IGSF3: variants seen among roughly 807,000 people sequenced by gnomAD.
IGSF3 encodes the protein immunoglobulin superfamily member 3.
In IGSF3, 23 loss-of-function variants were observed where a neutral mutation model predicts 114.4. The observed-to-expected ratio is 0.20, with a 90% confidence interval of 0.14 to 0.28. The LOEUF (loss-of-function observed/expected upper bound fraction) is 0.28, where lower values mean the gene tolerates loss of function less well. Ranked by LOEUF, IGSF3 falls within the 10% of genes least tolerant of loss-of-function variation. IGSF3 has a pLI of 1.00. For missense variants in IGSF3, 1,172 were observed against 1,591.5 expected, an observed-to-expected ratio of 0.74 and a Z score of 4.48; for synonymous variants, 571 against 645.2, an observed-to-expected ratio of 0.88 and a Z score of 1.74.
rs556429551 is a variant in IGSF3, at chr1:116,664,699, ACT to A, written c.43+1583_43+1584del. Among the ~76,000 whole-genome samples, 309 of 152,250 alleles carry A rather than the reference ACT, an allele frequency of 2.0e-3. 2 individuals carry two copies. The highest frequency in any genetic ancestry group is 7.0e-3 in the African/African-American group (289 of 41,542). On this transcript the variant is annotated intron_variant, in intron 2 of 10. Coordinates refer to ENST00000369486, the MANE Select transcript of IGSF3 (RefSeq NM_001007237.3). This position sits in a 1 kb window ranked among gnomAD's most constrained non-coding sequence, Gnocchi z 4.6. Reference sequence around the variant, plus strand: ...AAATGAAGGGCTCCCTGCCTTCTTGACTCTGCCTGAGCATACAGGTGACATGG... The same window carrying A: ...AAATGAAGGGCTCCCTGCCTTCTTGACTGCCTGAGCATACAGGTGACATGG...
At chr1:116,639,475 A>AG (rs1457588398) in intron 2 of IGSF3, among the ~76,000 whole-genome samples, 2 of 152,172 alleles carry the variant, frequency 1.3e-5, no homozygotes. Flanking sequence ...GACAGGTCCC[A>AG]ACCACCTGCA....
At chr1:116,617,310 A>C (rs1661259977) in intron 2 of IGSF3, 1 of 984,512 alleles carries the variant, frequency 1.0e-6, no homozygotes, top group Admixed American at 6.1e-5. Context: ...TGGCATGGTG[A>C]GTTTAATTTC....
Position 116,656,229 on chromosome 1 carries a change from C to G in IGSF3, c.43+10055G>C, listed in dbSNP as rs190739049. Reference sequence around the variant, plus strand: ...GAACATATACCAAACTATAAAGAATCTATATCAAAGTCAATAAGGAGCATA... The same window carrying G: ...GAACATATACCAAACTATAAAGAATGTATATCAAAGTCAATAAGGAGCATA... On this transcript the variant is annotated intron_variant, in intron 2 of 10. Transcript: ENST00000369486. Among the ~76,000 whole-genome samples the G allele has an allele frequency of 7.2e-4, 107 of 149,018 alleles. 1 individual carries two copies. The highest frequency in any genetic ancestry group is 2.3e-3 in the African/African-American group (95 of 40,670).
rs1659328013 is a variant in IGSF3 at position 116,576,075 on chromosome 1, C to T, written c.*1237G>A. The T allele has an allele frequency of 6.6e-6, 1 of 152,210 alleles. No individual in the cohort carries two copies. Among genetic ancestry groups the T allele is most frequent in the Admixed American group, 6.5e-5 (1 of 15,274 alleles). The allele number at this position is 152,210 out of a possible 1,614,324, so 9.4% of individuals were successfully genotyped here. A position where few individuals can be genotyped will look rare whatever the true frequency, so the allele number is the denominator to read the frequency against. On this transcript the variant is annotated 3_prime_UTR_variant, in exon 11 of 11. Coordinates refer to ENST00000369486, the MANE Select transcript of IGSF3 (RefSeq NM_001007237.3). This position sits in a 1 kb window ranked among gnomAD's most constrained non-coding sequence, Gnocchi z 4.6. ...AGAAAAATGAATAAGGAAGACATCA[C>T]TATAATTAAGGAAAATCTAATTGGA...
chr1:116,600,392 CT>C lies in IGSF3; in HGVS notation c.1625-48del, dbSNP rs199797748. On this transcript the variant is annotated intron_variant, in intron 6 of 10. Coordinates refer to ENST00000369486, the MANE Select transcript of IGSF3 (RefSeq NM_001007237.3). The surrounding 1 kb of genome is among the most constrained non-coding windows in gnomAD (Gnocchi z 5.5). ...TCAACCAGAGGAGGCATGTGGCTTT[CT>C]CAGGGCAGTATGACATCAGCAATGG... 2,160 of 1,526,112 alleles carry C rather than the reference CT, an allele frequency of 1.4e-3. 25 individuals carry two copies. In the African/African-American group the frequency reaches 0.026, roughly 18 times the overall value. The allele number at this position is 1,526,112 out of a possible 1,614,324, so 94.5% of individuals were successfully genotyped here.
In IGSF3 at chr1:116,594,284, A is replaced by T. The variant is rs754805545; in HGVS notation, c.2030-5180T>A. Among the ~76,000 whole-genome samples, 36 of 152,074 alleles carry T rather than the reference A, an allele frequency of 2.4e-4. No individual in the cohort carries two copies. The highest frequency in any genetic ancestry group is 3.7e-4 in the Non-Finnish European group (25 of 68,006). Reference sequence around the variant, plus strand: ...TATTTTACTATGAACTACTTTTTTTAAAAAAAACTTTCTTTATCCCACAAC... The same window carrying T: ...TATTTTACTATGAACTACTTTTTTTTAAAAAAACTTTCTTTATCCCACAAC... On this transcript the variant is annotated intron_variant, in intron 7 of 10. Coordinates refer to ENST00000369486, the MANE Select transcript of IGSF3 (RefSeq NM_001007237.3). The surrounding 1 kb of genome is among the most constrained non-coding windows in gnomAD (Gnocchi z 5.2).
In IGSF3 at chr1:116,592,845, G is replaced by A. The variant is rs900795331; in HGVS notation, c.2030-3741C>T. Among the ~76,000 whole-genome samples the A allele has an allele frequency of 2.0e-5, 3 of 152,156 alleles. No individual in the cohort carries two copies. Among genetic ancestry groups the A allele is most frequent in the Admixed American group, 6.5e-5 (1 of 15,278 alleles). On this transcript the variant is annotated intron_variant, in intron 7 of 10. Transcript: ENST00000369486. This position sits in a 1 kb window ranked among gnomAD's most constrained non-coding sequence, Gnocchi z 4.5. ...TTGTTAAACTAATCAATGAATGGTT[G>A]AATAAATGTGGTTACTTTTCAAAAG...
Position 116,600,111 on chromosome 1 carries a change from T to C in IGSF3, c.1859A>G (p.Glu620Gly). The C allele has an allele frequency of 8.7e-6, 14 of 1,614,198 alleles. No homozygotes were observed. The highest frequency in any genetic ancestry group is 1.2e-5 in the Non-Finnish European group (14 of 1,180,024). ...SSSFRTRTAI[E>G]KAESSNNVRL... ...GACGTTGTTGCTGGACTCAGCCTTCTCGATGGCAGTTCGGGTTCGGAAGCT... is the reference window on the plus strand; with the variant it reads ...GACGTTGTTGCTGGACTCAGCCTTCCCGATGGCAGTTCGGGTTCGGAAGCT... Residue 620 changes from glutamate (E) to glycine (G), a missense_variant, in exon 7 of 11, where the codon GAG (glutamate) becomes GGG (glycine). Around this residue, in one of 3 missense-constraint regions of IGSF3, gnomAD observed 736 missense variants for 1,042.0 expected, o/e 0.71. Transcript: ENST00000369486. The surrounding 1 kb of genome is among the most constrained non-coding windows in gnomAD (Gnocchi z 5.5).
Position 116,589,471 on chromosome 1 carries a change from C to CGAAA in IGSF3, c.2030-368_2030-367insTTTC, listed in dbSNP as rs1026909883. ...GCCAGAGAGAAACAATTCCTTTTCA[C>CGAAA]AGCACAAAGTCCCTTCAGGATCTGG... On this transcript the variant is annotated intron_variant, in intron 7 of 10. Transcript: ENST00000369486. This position sits in a 1 kb window ranked among gnomAD's most constrained non-coding sequence, Gnocchi z 5.7. Among the ~76,000 whole-genome samples, 6 of 151,860 alleles carry CGAAA rather than the reference C, an allele frequency of 4.0e-5. No homozygotes were observed. The highest frequency in any genetic ancestry group is 8.8e-5 in the Non-Finnish European group (6 of 67,956).
In IGSF3 at chr1:116,634,330, C is replaced by T. The variant is rs1248296310; in HGVS notation, c.44-17873G>A. ...GGAAAAAAGGGTAGGCTCCAGCTAG[C>T]GGAGAGAACAACTAAAAAACAAGAG... On this transcript the variant is annotated intron_variant, in intron 2 of 10. Transcript: ENST00000369486. The surrounding 1 kb of genome is among the most constrained non-coding windows in gnomAD (Gnocchi z 4.2). Among the ~76,000 whole-genome samples, 2 of 152,180 alleles carry T rather than the reference C, an allele frequency of 1.3e-5. No individual in the cohort carries two copies. Among genetic ancestry groups the T allele is most frequent in the Non-Finnish European group, 2.9e-5 (2 of 68,040 alleles).
At position 116,596,419 on chromosome 1, in the gene IGSF3, G is replaced by A. The variant is rs765556935; in HGVS notation, c.2029+3522C>T. 1.3e-5 allele frequency among the ~76,000 whole-genome samples: 2 copies of A among 152,182 alleles called. No individual in the cohort carries two copies. Among genetic ancestry groups the A allele is most frequent in the African/African-American group, 2.4e-5 (1 of 41,428 alleles). The stretch of plus-strand genomic sequence containing the variant: ...AAAGAAGAGAGGACAGCGCTGGTTC[G>A]GAGCTCTGGTATCCGCAAGTCTTAG... On this transcript the variant is annotated intron_variant, in intron 7 of 10. Coordinates refer to ENST00000369486, the MANE Select transcript of IGSF3 (RefSeq NM_001007237.3). This position sits in a 1 kb window ranked among gnomAD's most constrained non-coding sequence, Gnocchi z 4.1.
chr1:116,583,110 A>G lies in IGSF3; in HGVS notation c.2848+1535T>C, dbSNP rs1659669058. ...GATTCGCTCCATGCTTTGGTCCCTC[A>G]TGAGTAAAACCTACCACTCAGAGTT... On this transcript the variant is annotated intron_variant, in intron 9 of 10. Coordinates refer to ENST00000369486, the MANE Select transcript of IGSF3 (RefSeq NM_001007237.3). The surrounding 1 kb of genome is among the most constrained non-coding windows in gnomAD (Gnocchi z 4.5). Among the ~76,000 whole-genome samples the G allele has an allele frequency of 6.6e-6, 1 of 152,176 alleles. No homozygotes were observed. Among genetic ancestry groups the G allele is most frequent in the East Asian group, 1.9e-4 (1 of 5,192 alleles).
intron 2 of IGSF3, chr1:116,617,342 C>T (rs4044844): frequency 5.1e-6 from 5 of 985,342 alleles, no homozygotes; most frequent in Non-Finnish European, 6.0e-6. Context: ...CAACTCAACA[C>T]TGATTGTGCC....
chr1:116,589,730 C>T lies in IGSF3; in HGVS notation c.2030-626G>A, dbSNP rs535271847. Among the ~76,000 whole-genome samples, 254 of 152,284 alleles carry T rather than the reference C, an allele frequency of 1.7e-3. 1 individual carries two copies. The highest frequency in any genetic ancestry group is 3.3e-3 in the Non-Finnish European group (223 of 68,016). ...CTCTATATATCTCTGGGCTGTGTGT[C>T]CTCACATCTCTCTCCCATATCCTAG... On this transcript the variant is annotated intron_variant, in intron 7 of 10. Coordinates refer to ENST00000369486, the MANE Select transcript of IGSF3 (RefSeq NM_001007237.3). This position sits in a 1 kb window ranked among gnomAD's most constrained non-coding sequence, Gnocchi z 5.7.
chr1:116,620,591 G>C (rs1402962808), intron 2 of IGSF3, among the ~76,000 whole-genome samples: 1 of 152,152 alleles, frequency 6.6e-6, no homozygotes, highest in Non-Finnish European at 1.5e-5. Flanking sequence ...AGACAAGCAT[G>C]ATGTTATGAG....
chr1:116,627,836 T>C lies in IGSF3; in HGVS notation c.44-11379A>G, dbSNP rs914052075. Among the ~76,000 whole-genome samples the C allele has an allele frequency of 6.6e-6, 1 of 152,034 alleles. No homozygotes were observed. The highest frequency in any genetic ancestry group is 1.5e-5 in the Non-Finnish European group (1 of 67,994). ...GCCATGGAGACACAAAACTAGAAAATGGGGCTGCCTAGCTAGGAATGCCCA... is the reference window on the plus strand; with the variant it reads ...GCCATGGAGACACAAAACTAGAAAACGGGGCTGCCTAGCTAGGAATGCCCA... On this transcript the variant is annotated intron_variant, in intron 2 of 10. Transcript: ENST00000369486. The surrounding 1 kb of genome is among the most constrained non-coding windows in gnomAD (Gnocchi z 4.7).
Position 116,574,789 on chromosome 1 carries a change from C to T in IGSF3, c.*2523G>A, listed in dbSNP as rs1171638702. Reference sequence around the variant, plus strand: ...GTAGACAATGCGCAATGAGGTCTCACAGCCACTGGAGGGCACCATTACCAT... The same window carrying T: ...GTAGACAATGCGCAATGAGGTCTCATAGCCACTGGAGGGCACCATTACCAT... On this transcript the variant is annotated 3_prime_UTR_variant, in exon 11 of 11. Transcript: ENST00000369486. The surrounding 1 kb of genome is among the most constrained non-coding windows in gnomAD (Gnocchi z 5.2). 6.6e-6 allele frequency: 1 copy of T among 152,628 alleles called. No homozygotes were observed. The highest frequency in any genetic ancestry group is 1.5e-5 in the Non-Finnish European group (1 of 68,040). 9.5% of individuals were successfully genotyped at this position (152,628 alleles called of 1,614,324 possible).
rs1008549644 is a variant in IGSF3, at chr1:116,576,723, G to A, written c.*589C>T. ...AAGTGGTTCCAATAACTCCAGCTGA[G>A]GGAAAAGACAACATACAAATTTTGC... On this transcript the variant is annotated 3_prime_UTR_variant, in exon 11 of 11. Coordinates refer to ENST00000369486, the MANE Select transcript of IGSF3 (RefSeq NM_001007237.3). The surrounding 1 kb of genome is among the most constrained non-coding windows in gnomAD (Gnocchi z 4.6). 3 of 153,024 alleles carry A rather than the reference G, an allele frequency of 2.0e-5. No individual in the cohort carries two copies. The highest frequency in any genetic ancestry group is 4.4e-5 in the Non-Finnish European group (3 of 68,400). The allele number at this position is 153,024 out of a possible 1,614,324, so 9.5% of individuals were successfully genotyped here. A position where few individuals can be genotyped will look rare whatever the true frequency, so the allele number is the denominator to read the frequency against.
intron 2 of IGSF3, among the ~76,000 whole-genome samples, chr1:116,631,515 C>A (rs1467095118): frequency 1.3e-5 from 2 of 152,018 alleles, no homozygotes; most frequent in African/African-American, 4.8e-5. Context: ...TGCTGAGGAC[C>A]CCAACCAAAT....
Sources: allele counts gnomAD v4.1 joint callset (sites outside exome capture counted in the v4.1 genomes callset), GRCh38; gene constraint gnomAD v4.1.1; regional missense constraint gnomAD v4.1.1; non-coding constraint Gnocchi (gnomAD v3.1); transcripts MANE v1.5; gene names NCBI Gene and HGNC (gene_info 2026-07-23, HGNC 2026-07-21).